The following CRIP2 variants were observed in gnomAD, a reference collection of about 807,000 sequenced individuals.
The protein encoded by CRIP2 is cysteine-rich protein 2.
Under a neutral mutation model 31.3 loss-of-function variants are expected in CRIP2, and 31 were observed. The ratio of observed to expected loss-of-function variants is 0.99; its 90% CI spans 0.74 to 1.34. CRIP2 has a LOEUF of 1.34. Ranked by LOEUF, CRIP2 falls within the 40% of genes most tolerant of loss-of-function variation. The pLI, the probability that CRIP2 is intolerant of heterozygous loss-of-function variation, is 0.00. For synonymous variants in CRIP2, 177 were observed against 127.2 expected (o/e 1.39, Z -2.63); for missense variants, 389 against 301.6 (o/e 1.29, Z -2.15).
Position 105,479,887 on chromosome 14 carries a change from C to G in CRIP2, c.*234C>G, listed in dbSNP as rs1467264833. The G allele has an allele frequency of 1.7e-6, 1 of 580,430 alleles. No homozygotes were observed. The highest frequency in any genetic ancestry group is 1.9e-5 in the African/African-American group (1 of 53,482). The allele number at this position is 580,430 out of a possible 1,614,324, so 36.0% of individuals were successfully genotyped here. On this transcript the variant is annotated 3_prime_UTR_variant, in exon 8 of 8. Transcript: ENST00000329146. ...CATGATCCCTTCTGTGTCTGCGTGT[C>G]CGAATCCCCGTGTGACCCTGTCCCA...
At position 105,476,495 on chromosome 14, in the gene CRIP2, T is replaced by A. The variant is rs2083935153; in HGVS notation, c.43+1590T>A. On this transcript the variant is annotated intron_variant, in intron 1 of 7. Transcript: ENST00000329146. ...CCATGCAGCCAGGGTGGGCAGCTGG[T>A]TTTCTTCTGAGCCATTAGACCCAAT... The A allele has an allele frequency of 7.1e-6, 7 of 985,396 alleles. No homozygotes were observed. The Admixed American group carries it at 4.3e-4, about 61-fold the overall frequency. 61.0% of individuals were successfully genotyped at this position (985,396 alleles called of 1,614,324 possible).
intron 1 of CRIP2, 129 bp downstream of exon 1, chr14:105,475,034 C>T: frequency 3.6e-6 from 4 of 1,102,014 alleles, no homozygotes; most frequent in African/African-American, 1.7e-5. Flanking sequence ...ATGCGCGTCC[C>T]GGAGGCTGGC....
chr14:105,476,267 G>A, intron 1 of CRIP2: 3 of 985,540 alleles, frequency 3.0e-6, no homozygotes, highest in South Asian at 9.4e-5. Flanking sequence ...AGCCCGGAAA[G>A]GCCTGCCTGC....
In CRIP2 at chr14:105,479,400, G is replaced by C. The variant is rs1315350882; in HGVS notation, c.502-36G>C. On this transcript the variant is annotated intron_variant, in intron 6 of 7. Transcript: ENST00000329146. ...TCCAGGTGATGGGTCGGGGGAGTCTGTGGACTCCTCCCTCAGCACCCACCT... is the reference window on the plus strand; with the variant it reads ...TCCAGGTGATGGGTCGGGGGAGTCTCTGGACTCCTCCCTCAGCACCCACCT... 5.6e-6 allele frequency: 9 copies of C among 1,610,538 alleles called. No homozygotes were observed. The African/African-American group carries it at 1.2e-4, about 22-fold the overall frequency.
chr14:105,479,514 C>T (rs782044812), intron 7 of CRIP2, 21 bp downstream of exon 7: 3 of 1,612,854 alleles, frequency 1.9e-6, no homozygotes, highest in South Asian at 1.1e-5. Flanking sequence ...CCAGGGTGGT[C>T]CACGATGTCT....
chr14:105,479,847 A>G lies in CRIP2; in HGVS notation c.*194A>G. ...CTCTGGTGTGTCTGCCCCCTCTGGC[A>G]TCCTCTGGGCGTCCCATGATCCCTT... On this transcript the variant is annotated 3_prime_UTR_variant, in exon 8 of 8. Transcript: ENST00000329146. 6.4e-6 allele frequency: 4 copies of G among 623,386 alleles called. No individual in the cohort carries two copies. Among genetic ancestry groups the G allele is most frequent in the Non-Finnish European group, 8.5e-6 (3 of 351,860 alleles). The allele number at this position is 623,386 out of a possible 1,614,324, so 38.6% of individuals were successfully genotyped here. A position where few individuals can be genotyped will look rare whatever the true frequency, so the allele number is the denominator to read the frequency against.
rs982275692 is a variant in CRIP2 at position 105,476,324 on chromosome 14, G to A, written c.43+1419G>A. The A allele has an allele frequency of 3.7e-5, 36 of 985,398 alleles. No homozygotes were observed. In the African/African-American group the frequency reaches 4.4e-4, roughly 12 times the overall value. 61.0% of individuals were successfully genotyped at this position (985,398 alleles called of 1,614,324 possible). On this transcript the variant is annotated intron_variant, in intron 1 of 7. Coordinates refer to ENST00000329146, the MANE Select transcript of CRIP2 (RefSeq NM_001312.4). ...CGGAAAACAAAGGCGCTTCAGACCC[G>A]GCTGGCTTCTGTCCTGCCTGGGAGG... is the stretch of plus-strand genomic sequence containing the variant.
rs2084021662 is a variant in CRIP2 at position 105,478,997 on chromosome 14, T to G, written c.356T>G (p.Phe119Cys). 1 of 1,579,850 alleles carries G rather than the reference T, an allele frequency of 6.3e-7. No individual in the cohort carries two copies. The highest frequency in any genetic ancestry group is 1.8e-5 in the Admixed American group (1 of 56,772). ...CCCACAGCCTCCAGTGTCACCACTT[T>G]CACCGGGGAGCCCAACACGTGCCCG... ...GPSRASSVTT[F>C]TGEPNTCPRC... The change falls in exon 5 of 8, where the codon TTC (phenylalanine) becomes TGC (cysteine). Residue 119 changes from phenylalanine (F) to cysteine (C), a missense_variant. Coordinates refer to ENST00000329146, the MANE Select transcript of CRIP2 (RefSeq NM_001312.4). The surrounding 1 kb of genome is among the most constrained non-coding windows in gnomAD (Gnocchi z 4.9).
rs2084006947 is a variant in CRIP2, at chr14:105,478,587, C to T, written c.196+80C>T. ...CTGGCGCTGGGGAGGGCTGGGGGTC[C>T]CGGCCGCCGTGGATCCCCGCCCAGA... On this transcript the variant is annotated intron_variant, in intron 3 of 7. Transcript: ENST00000329146. The surrounding 1 kb of genome is among the most constrained non-coding windows in gnomAD (Gnocchi z 4.9). The T allele has an allele frequency of 3.9e-6, 6 of 1,536,648 alleles. No homozygotes were observed. Among genetic ancestry groups the T allele is most frequent in the Non-Finnish European group, 4.4e-6 (5 of 1,141,044 alleles).
intron 1 of CRIP2, 126 bp downstream of exon 1, chr14:105,475,031 TC>T: frequency 9.0e-7 from 1 of 1,115,148 alleles, no homozygotes. Context: ...AGGATGCGCG[TC>T]CCGGAGGCTG....
At chr14:105,476,913 G>C (rs146829311) in intron 1 of CRIP2, 2 of 346,936 alleles carry the variant, frequency 5.8e-6, no homozygotes, top group Non-Finnish European at 8.1e-6. Context: ...GCCACCTGGG[G>C]GATCCCATCT....
At chr14:105,476,349 G>A in intron 1 of CRIP2, 1 of 985,484 alleles carries the variant, frequency 1.0e-6, no homozygotes, top group Non-Finnish European at 1.2e-6. Context: ...TGCCTGGGAG[G>A]CACTGTGAGG....
intron 1 of CRIP2, chr14:105,477,326 GC>G: frequency 3.0e-6 from 3 of 985,512 alleles, no homozygotes; most frequent in Non-Finnish European, 3.6e-6. Flanking sequence ...GATCTTCCAT[GC>G]CAGTGGCAGC....
intron 1 of CRIP2, chr14:105,476,573 G>A: frequency 5.1e-6 from 5 of 985,490 alleles, no homozygotes; most frequent in Non-Finnish European, 6.0e-6. Flanking sequence ...GACCCACCCA[G>A]TGGGTCTGAG....
rs150518872 is a variant in CRIP2, at chr14:105,475,847, G to T, written c.43+942G>T. ...CCTACCCACCAGCTGCTGCACGAAG[G>T]GGGGCAGACTTAGTGAAGCAGAGAG... On this transcript the variant is annotated intron_variant, in intron 1 of 7. Transcript: ENST00000329146. 42 of 985,514 alleles carry T rather than the reference G, an allele frequency of 4.3e-5. No individual in the cohort carries two copies. The East Asian group carries it at 4.5e-4, about 11-fold the overall frequency. The allele number at this position is 985,514 out of a possible 1,614,324, so 61.0% of individuals were successfully genotyped here. A position where few individuals can be genotyped will look rare whatever the true frequency, so the allele number is the denominator to read the frequency against.
rs1203693934 is a variant in CRIP2 at position 105,479,507 on chromosome 14, G to C, written c.559+14G>C. 6.2e-7 allele frequency: 1 copy of C among 1,612,872 alleles called. No individual in the cohort carries two copies. The highest frequency in any genetic ancestry group is 8.5e-7 in the Non-Finnish European group (1 of 1,179,908). ...TCGGACCCAAGGGTGAGTGTAGCCA[G>C]GGTGGTCCACGATGTCTTCCCTGCC... On this transcript the variant is annotated intron_variant, in intron 7 of 7. Transcript: ENST00000329146.
Position 105,479,953 on chromosome 14 carries a change from C to T in CRIP2, c.*300C>T, listed in dbSNP as rs959445282. On this transcript the variant is annotated 3_prime_UTR_variant, in exon 8 of 8. Transcript: ENST00000329146. Reference sequence around the variant, plus strand: ...CCCTGCGTGTCCCCGTGGCGCTGTCCGCTCTCCCTCTCCTGCTGCCCACCC... The same window carrying T: ...CCCTGCGTGTCCCCGTGGCGCTGTCTGCTCTCCCTCTCCTGCTGCCCACCC... 2.7e-5 allele frequency: 12 copies of T among 444,440 alleles called. No individual in the cohort carries two copies. Among genetic ancestry groups the T allele is most frequent in the South Asian group, 1.2e-4 (5 of 40,062 alleles). The allele number at this position is 444,440 out of a possible 1,614,324, so 27.5% of individuals were successfully genotyped here. A position where few individuals can be genotyped will look rare whatever the true frequency, so the allele number is the denominator to read the frequency against.
At chr14:105,476,261 C>G (rs587648584) in intron 1 of CRIP2, 28 of 985,400 alleles carry the variant, frequency 2.8e-5, no homozygotes, top group Non-Finnish European at 3.3e-5. Flanking sequence ...GTGGACAGCC[C>G]GGAAAGGCCT....
chr14:105,478,922 G>T lies in CRIP2; in HGVS notation c.337+51G>T. 6.6e-7 allele frequency: 1 copy of T among 1,522,448 alleles called. No homozygotes were observed. Among genetic ancestry groups the T allele is most frequent in the South Asian group, 1.2e-5 (1 of 82,406 alleles). 94.3% of individuals were successfully genotyped at this position (1,522,448 alleles called of 1,614,324 possible). A position where few individuals can be genotyped will look rare whatever the true frequency, so the allele number is the denominator to read the frequency against. On this transcript the variant is annotated intron_variant, in intron 4 of 7. Transcript: ENST00000329146. This position sits in a 1 kb window ranked among gnomAD's most constrained non-coding sequence, Gnocchi z 4.9. ...GGGGTTGTGGGCACGCGCGGGCTGG[G>T]GCTGGGGGTTGTGGGCACCCCCGGC...
Sources: allele counts gnomAD v4.1 joint callset, GRCh38; gene constraint gnomAD v4.1.1; non-coding constraint Gnocchi (gnomAD v3.1); transcripts MANE v1.5; gene names NCBI Gene and HGNC (gene_info 2026-07-23, HGNC 2026-07-21).